TTN: variants seen among roughly 807,000 people sequenced by gnomAD.
TTN encodes connectin.
A neutral mutation model predicts 3,223.0 loss-of-function variants in TTN; 1,525 were observed. That is an observed-to-expected ratio of 0.47 (90% CI 0.45 to 0.49). The LOEUF (loss-of-function observed/expected upper bound fraction) is 0.49, where lower values mean the gene tolerates loss of function less well. TTN is among the 20% of genes least tolerant of loss of function. TTN has a pLI of 0.00. For missense variants in TTN, 40,786 were observed against 43,424.0 expected (o/e 0.94, Z 5.40); for synonymous variants, 14,094 against 15,161.0 (o/e 0.93, Z 5.17).
intron 330 of TTN, chr2:178,555,786 C>CACT (rs1257400458): frequency 2.0e-5 from 3 of 152,328 alleles, no homozygotes; most frequent in Non-Finnish European, 4.4e-5. Context: ...TTTGCCCAGA[C>CACT]ACTACAGTGG....
Position 178,552,779 on chromosome 2 carries a change from C to T in TTN, c.90121G>A (p.Asp30041Asn), listed in dbSNP as rs1272355523. Residue 30041 changes from aspartate to asparagine, a missense_variant, in exon 335 of 363, where the codon GAC becomes AAC. Physicochemically the swap from Asp to Asn is conservative, Grantham distance 23. Coordinates refer to ENST00000589042, the MANE Select transcript of TTN (RefSeq NM_001267550.2). ...AGGATGACAGATGTCTTTGTTGAGT[C>T]TTTCATTGAGAGATCACGTATAGGA... Reference protein sequence around the residue: ...PAPIRDLSMKDSTKTSVILSW... With the variant: ...PAPIRDLSMKNSTKTSVILSW... 1.2e-6 allele frequency: 2 copies of T among 1,613,910 alleles called. No individual in the cohort carries two copies. The highest frequency in any genetic ancestry group is 2.2e-5 in the East Asian group (1 of 44,850).
rs1553581878 is a variant in TTN, at chr2:178,565,406, G to A, written c.80726C>T (p.Pro26909Leu). The change falls in exon 326 of 363, where the codon CCT becomes CTT. Residue 26909 changes from proline to leucine, a missense_variant. Pro to Leu is a moderately conservative substitution (Grantham distance 98). Coordinates refer to ENST00000589042, the MANE Select transcript of TTN (RefSeq NM_001267550.2). ...IEIPVIGRPR[P>L]NISWVKDGEP... ...ACCATCTTTGACCCAAGAAATGTTA[G>A]GTCTTGGTCGGCCTATAACTGGAAT... The A allele has an allele frequency of 6.2e-7, 1 of 1,613,376 alleles. No homozygotes were observed. The highest frequency in any genetic ancestry group is 1.3e-5 in the African/African-American group (1 of 74,864).
Position 178,580,425 on chromosome 2 carries a change from G to T in TTN, c.66954C>A (p.Phe22318Leu), listed in dbSNP as rs1282369228. Reference protein sequence around the residue: ...LDIKSTDFDTFLRCENVNKYD... With the variant: ...LDIKSTDFDTLLRCENVNKYD... ...ATTTGTTCACATTTTCACAGCGCAA[G>T]AAAGTGTCAAAGTCAGTTGACTTTA... The change falls in exon 317 of 363, where the codon TTC (phenylalanine) becomes TTA (leucine). Residue 22318 changes from phenylalanine to leucine, a missense_variant. By Grantham distance (22) the Phe-to-Leu change is conservative. Transcript: ENST00000589042. 5 of 1,613,096 alleles carry T rather than the reference G, an allele frequency of 3.1e-6. No individual in the cohort carries two copies. Among genetic ancestry groups the T allele is most frequent in the Admixed American group, 3.3e-5 (2 of 59,960 alleles).
At chr2:178,699,429 T>G (rs1487380253) in intron 111 of TTN, among the ~76,000 whole-genome samples, 1 of 98,376 alleles carries the variant, frequency 1.0e-5, no homozygotes, top group Non-Finnish European at 2.0e-5. Flanking sequence ...TTTTTTTTTT[T>G]GAGACGGAGT....
In TTN at chr2:178,730,672, T is replaced by G. The variant is rs1036512589; in HGVS notation, c.17861A>C (p.Lys5954Thr). The change falls in exon 61 of 363, where the codon AAA (lysine) becomes ACA (threonine). Residue 5954 changes from lysine (K) to threonine (T), a missense_variant. Lys to Thr is a moderately conservative substitution (Grantham distance 78). Transcript: ENST00000589042. ...GSHPISIQWF[K>T]DDQEISASEK... ...ACTAGCTGATATTTCTTGGTCATCT[T>G]TGAACCACTGGATGCTTATGGGATG... The G allele has an allele frequency of 1.2e-6, 2 of 1,613,604 alleles. No homozygotes were observed. The highest frequency in any genetic ancestry group is 1.7e-6 in the Non-Finnish European group (2 of 1,179,724).
rs201796622 is a variant in TTN, at chr2:178,609,282, T to A, written c.52028A>T (p.Asp17343Val). 4 of 1,586,440 alleles carry A rather than the reference T, an allele frequency of 2.5e-6. No homozygotes were observed. Among genetic ancestry groups the A allele is most frequent in the Non-Finnish European group, 3.4e-6 (4 of 1,167,258 alleles). The part of the protein sequence containing the change: ...QLRVRDSLRP[D>V]HGLYMIKVEN... The stretch of plus-strand genomic sequence containing the variant: ...AACTTTGATCATATACAGACCATGG[T>A]CAGGTCGGAGAGAATCTCGGACGCG... Residue 17343 changes from aspartate (D) to valine (V), a missense_variant, in exon 273 of 363, where the codon GAC becomes GTC. Transcript: ENST00000589042.
rs2091792947 is a variant in TTN, at chr2:178,773,233, T to C, written c.7731A>G (p.Lys2577=). 6.2e-7 allele frequency: 1 copy of C among 1,613,864 alleles called. No homozygotes were observed. Among genetic ancestry groups the C allele is most frequent in the African/African-American group, 1.3e-5 (1 of 75,016 alleles). Residue 2577 remains lysine, a synonymous_variant, in exon 33 of 363, where the codon AAA becomes AAG. Coordinates refer to ENST00000589042, the MANE Select transcript of TTN (RefSeq NM_001267550.2). The part of the protein sequence containing the change: ...FKDKEIKPSS[K]YKIEAHGKIY... The stretch of plus-strand genomic sequence containing the variant: ...TTTTTCCATGTGCTTCAATTTTATA[T>C]TTAGAACTGGGCTTGATTTCCTTGT...
chr2:178,766,108 A>G (rs901777693), intron 41 of TTN, among the ~76,000 whole-genome samples: 12 of 152,218 alleles, frequency 7.9e-5, no homozygotes, highest in African/African-American at 2.9e-4. Context: ...TCTGGGGTAT[A>G]TGAAAATGGA....
In TTN at chr2:178,671,099, G is replaced by A. The variant is rs565692753; in HGVS notation, c.35299C>T (p.Pro11767Ser). The change falls in exon 156 of 363, where the codon CCA becomes TCA. Residue 11767 changes from proline to serine, a missense_variant. By Grantham distance (74) the Pro-to-Ser change is moderately conservative. Coordinates refer to ENST00000589042, the MANE Select transcript of TTN (RefSeq NM_001267550.2). ...TTCACAAAGAAGATACCTTTAGCTG[G>A]TGGCTCTTTTCGAGGAACAACTTTA... ...PTKVVPRKEP[P>S]AKVPEVPKKI... The A allele has an allele frequency of 1.2e-6, 2 of 1,605,874 alleles. No individual in the cohort carries two copies. The highest frequency in any genetic ancestry group is 2.7e-5 in the African/African-American group (2 of 74,408).
intron 37 of TTN, among the ~76,000 whole-genome samples, chr2:178,769,212 T>C (rs996797986): frequency 2.0e-5 from 3 of 151,574 alleles, no homozygotes; most frequent in African/African-American, 7.3e-5. Flanking sequence ...ATACTAGTGC[T>C]TTACTCAGTG....
At chr2:178,639,044 G>A (rs1001925914) in intron 223 of TTN, among the ~76,000 whole-genome samples, 1 of 151,852 alleles carries the variant, frequency 6.6e-6, no homozygotes, top group Admixed American at 6.6e-5. Context: ...CTTTAAGTTT[G>A]GACTTGAGAT....
At position 178,677,237 on chromosome 2, in the gene TTN, C is replaced by G; in HGVS notation, c.34342G>C (p.Ala11448Pro). The G allele has an allele frequency of 4.1e-6, 5 of 1,221,460 alleles. No individual in the cohort carries two copies. The highest frequency in any genetic ancestry group is 4.1e-5 in the South Asian group (1 of 24,118). The allele number at this position is 1,221,460 out of a possible 1,614,324, so 75.7% of individuals were successfully genotyped here. A position where few individuals can be genotyped will look rare whatever the true frequency, so the allele number is the denominator to read the frequency against. Reference protein sequence around the residue: ...PVPEKKVPVPAPKKVEPPPPP... With the variant: ...PVPEKKVPVPPPKKVEPPPPP... ...GGTGGAGGTTCCACTTTTTTAGGGGCGGGAACAGGGACTTTCTTCTCTGGT... is the reference window on the plus strand; with the variant it reads ...GGTGGAGGTTCCACTTTTTTAGGGGGGGGAACAGGGACTTTCTTCTCTGGT... The change falls in exon 147 of 363, where the codon GCC becomes CCC. Residue 11448 changes from alanine (A) to proline (P), a missense_variant. Physicochemically the swap from Ala to Pro is conservative, Grantham distance 27. Coordinates refer to ENST00000589042, the MANE Select transcript of TTN (RefSeq NM_001267550.2).
At chr2:178,805,832 G>C (rs1053666271) in intron 1 of TTN, among the ~76,000 whole-genome samples, 3 of 152,154 alleles carry the variant, frequency 2.0e-5, no homozygotes, top group African/African-American at 7.2e-5. Flanking sequence ...CTTTCATAAA[G>C]TAAAATATTC....
In TTN at chr2:178,733,339, G is replaced by A; in HGVS notation, c.15954C>T (p.Leu5318=). 1.2e-6 allele frequency: 2 copies of A among 1,613,804 alleles called. No individual in the cohort carries two copies. Among genetic ancestry groups the A allele is most frequent in the South Asian group, 1.1e-5 (1 of 91,070 alleles). ...RISFKNNVAQ[L]KFYSAELHDS... is the part of the protein sequence containing the mutation. ...CGTGCAGCTCAGCTGAATAAAATTTGAGCTGGGCAACATTGTTTTTAAAAC... is the reference window on the plus strand; with the variant it reads ...CGTGCAGCTCAGCTGAATAAAATTTAAGCTGGGCAACATTGTTTTTAAAAC... The change falls in exon 54 of 363, where the codon CTC becomes CTT. Residue 5318 remains leucine (L), a synonymous_variant. Coordinates refer to ENST00000589042, the MANE Select transcript of TTN (RefSeq NM_001267550.2).
chr2:178,588,786 A>G lies in TTN; in HGVS notation c.62939T>C (p.Met20980Thr), dbSNP rs757789191. 15 of 1,613,352 alleles carry G rather than the reference A, an allele frequency of 9.3e-6. No individual in the cohort carries two copies. Among genetic ancestry groups the G allele is most frequent in the South Asian group, 2.2e-5 (2 of 91,058 alleles). Residue 20980 changes from methionine (M) to threonine (T), a missense_variant, in exon 304 of 363, where the codon ATG becomes ACG. Transcript: ENST00000589042. ...PEVTKVSKEE[M>T]TVVWNPPEYD... ...TTCAGGTGGATTCCAAACCACAGTC[A>G]TCTCTTCTTTGCTTACTTTAGTGAC...
At chr2:178,675,326 A>G in intron 149 of TTN, 1 of 404,220 alleles carries the variant, frequency 2.5e-6, no homozygotes, top group Non-Finnish European at 4.3e-6. Flanking sequence ...TCTACTTTTT[A>G]CTGCTGGAGC....
chr2:178,651,814 C>A, intron 205 of TTN, 65 bp from the exon 206 acceptor site: 1 of 1,602,314 alleles, frequency 6.2e-7, no homozygotes, highest in East Asian at 2.3e-5. Context: ...AAGCTCAGAG[C>A]ACCCAGAATT....
rs1278125776 is a variant in TTN, at chr2:178,737,830, T to A, written c.14371+252A>T. On this transcript the variant is annotated intron_variant, in intron 49 of 362. Transcript: ENST00000589042. ...ATATGTTTTATATGAAGGGCCAAGC[T>A]GAGCTCATTTGATTACTTAACTTTG... 4 of 386,176 alleles carry A rather than the reference T, an allele frequency of 1.0e-5. No homozygotes were observed. The South Asian group carries it at 2.3e-4, about 22-fold the overall frequency. The allele number at this position is 386,176 out of a possible 1,614,324, so 23.9% of individuals were successfully genotyped here.
chr2:178,644,981 C>G (rs1370105687), intron 217 of TTN: 1 of 212,376 alleles, frequency 4.7e-6, no homozygotes, highest in African/African-American at 2.4e-5. Flanking sequence ...CAGAAGGTCC[C>G]CCTAATGGCT....
Sources: allele counts gnomAD v4.1 joint callset (sites outside exome capture counted in the v4.1 genomes callset), GRCh38; gene constraint gnomAD v4.1.1; transcripts MANE v1.5; gene names NCBI Gene and HGNC (gene_info 2026-07-23, HGNC 2026-07-21).